RPE: variants seen among roughly 807,000 people sequenced by gnomAD.
RPE encodes ribulose-phosphate 3-epimerase.
A neutral mutation model predicts 24.6 loss-of-function variants in RPE; 16 were observed. The observed-to-expected ratio is 0.65, with a 90% confidence interval of 0.44 to 0.99. RPE has a LOEUF of 0.99. Among genes scored for constraint, RPE ranks in the 50% least tolerant of loss-of-function variants. RPE has a pLI of 0.00. For missense variants in RPE, 240 were observed against 294.5 expected, an observed-to-expected ratio of 0.81 and a Z score of 1.35; for synonymous variants, 93 against 98.4, an observed-to-expected ratio of 0.94 and a Z score of 0.33.
intron 1 of RPE, among the ~76,000 whole-genome samples, chr2:210,007,797 TAA>T (rs1322355766): frequency 6.6e-6 from 1 of 152,250 alleles, no homozygotes; most frequent in Non-Finnish European, 1.5e-5. Flanking sequence ...TCATATAGGA[TAA>T]TACCTGCTGC....
chr2:210,016,671 G>A, intron 4 of RPE, 30 bp downstream of exon 4: 2 of 1,613,792 alleles, frequency 1.2e-6, no homozygotes, highest in Non-Finnish European at 1.7e-6. Context: ...TTGGGGTGAG[G>A]CTTTTACAGT....
chr2:210,006,413 T>C (rs2093631700), intron 1 of RPE, among the ~76,000 whole-genome samples: 1 of 152,208 alleles, frequency 6.6e-6, no homozygotes, highest in Non-Finnish European at 1.5e-5. Flanking sequence ...GGTTTTTTTT[T>C]GAGACTACTG....
chr2:210,013,274 A>G (rs1316184259), intron 2 of RPE, among the ~76,000 whole-genome samples: 1 of 152,142 alleles, frequency 6.6e-6, no homozygotes, highest in African/African-American at 2.4e-5. Flanking sequence ...ATGTAAAACA[A>G]ATAATACCAC....
intron 5 of RPE, 59 bp downstream of exon 5, chr2:210,017,618 A>G: frequency 1.3e-6 from 2 of 1,497,032 alleles, no homozygotes; most frequent in East Asian, 2.3e-5. Flanking sequence ...TCTCCAGGAC[A>G]TTGTCTCATG....
At position 210,002,690 on chromosome 2, in the gene RPE, C is replaced by G. The variant is rs1411156525; in HGVS notation, c.29C>G (p.Ser10Cys). 2 of 1,614,070 alleles carry G rather than the reference C, an allele frequency of 1.2e-6. No homozygotes were observed. The highest frequency in any genetic ancestry group is 1.1e-5 in the South Asian group (1 of 91,076). MASGCKIGP[S>C]ILNSDLANLG... ...GCGTCGGGCTGCAAGATTGGCCCGT[C>G]CATCCTCAACAGCGACCTGGCCAAT... is the stretch of plus-strand genomic sequence containing the variant. The change falls in exon 1 of 6, where the codon TCC becomes TGC. Residue 10 changes from serine (S) to cysteine (C), a missense_variant. Transcript: ENST00000359429.
At chr2:210,010,592 T>C (rs1366613195) in intron 2 of RPE, among the ~76,000 whole-genome samples, 2 of 152,200 alleles carry the variant, frequency 1.3e-5, no homozygotes, top group Non-Finnish European at 2.9e-5. Flanking sequence ...TAGCTTACAA[T>C]TTAGTAGAAC....
chr2:210,003,592 A>G (rs1234801155), intron 1 of RPE: 1 of 448,796 alleles, frequency 2.2e-6, no homozygotes, highest in Non-Finnish European at 3.8e-6. Context: ...CTCCCTCAAG[A>G]TTACAGAAGA....
Position 210,021,550 on chromosome 2 carries a change from A to C in RPE, c.*1759A>C, listed in dbSNP as rs2093855782. 6.6e-6 allele frequency: 1 copy of C among 152,562 alleles called. No individual in the cohort carries two copies. Among genetic ancestry groups the C allele is most frequent in the Non-Finnish European group, 1.5e-5 (1 of 67,976 alleles). The allele number at this position is 152,562 out of a possible 1,614,324, so 9.5% of individuals were successfully genotyped here. On this transcript the variant is annotated 3_prime_UTR_variant, in exon 6 of 6. Coordinates refer to ENST00000359429, the MANE Select transcript of RPE (RefSeq NM_199229.3). ...TTTTGTTTTCTTTTTCTTTAAAAAT[A>C]AATGTACAGTAAAACTACAAGCAAA... is the stretch of plus-strand genomic sequence containing the variant.
intron 1 of RPE, among the ~76,000 whole-genome samples, chr2:210,007,389 C>G (rs2093644605): frequency 6.6e-6 from 1 of 152,148 alleles, no homozygotes; most frequent in African/African-American, 2.4e-5. Context: ...TACCAAGTGG[C>G]AATTGCAGTC....
intron 2 of RPE, among the ~76,000 whole-genome samples, chr2:210,011,830 T>A (rs1277425241): frequency 6.8e-5 from 3 of 43,880 alleles, no homozygotes; most frequent in Non-Finnish European, 8.7e-5. Context: ...CACAACCGGC[T>A]ATTTTTTTTT....
intron 2 of RPE, among the ~76,000 whole-genome samples, 198 bp downstream of exon 2, chr2:210,009,934 A>G (rs1235294408): frequency 6.6e-6 from 1 of 152,182 alleles, no homozygotes; most frequent in Non-Finnish European, 1.5e-5. Context: ...GAAAGGTAGT[A>G]GCTTGGCTGG....
chr2:210,009,875 G>GT (rs2093678354), intron 2 of RPE, 139 bp downstream of exon 2: 6 of 1,115,946 alleles, frequency 5.4e-6, no homozygotes, highest in Non-Finnish European at 5.3e-6. Context: ...CCTGACTCCA[G>GT]TAACAAGCCA....
chr2:210,007,921 TG>T (rs2093651411), intron 1 of RPE, among the ~76,000 whole-genome samples: 1 of 152,212 alleles, frequency 6.6e-6, no homozygotes. Flanking sequence ...AGGGCTTTGT[TG>T]GCAGAAGGGT....
In RPE at chr2:210,021,771, A is replaced by G. The variant is rs921934937; in HGVS notation, c.*1980A>G. 4 of 152,034 alleles carry G rather than the reference A, an allele frequency of 2.6e-5. No individual in the cohort carries two copies. Among genetic ancestry groups the G allele is most frequent in the Admixed American group, 6.6e-5 (1 of 15,254 alleles). 9.4% of individuals were successfully genotyped at this position (152,034 alleles called of 1,614,324 possible). On this transcript the variant is annotated 3_prime_UTR_variant, in exon 6 of 6. Transcript: ENST00000359429. ...TATATAAATTGTCCTCAACTTTCAC[A>G]TAGGAAAAAAATGGTTTAATAGCTT...
chr2:210,012,994 T>C (rs1404328692), intron 2 of RPE, among the ~76,000 whole-genome samples: 1 of 152,240 alleles, frequency 6.6e-6, no homozygotes, highest in Non-Finnish European at 1.5e-5. Flanking sequence ...GAAAAGCTCA[T>C]TGATAGGGTT....
chr2:210,016,058 G>C lies in RPE; in HGVS notation c.288G>C (p.Glu96Asp), dbSNP rs1432537146. 1 of 1,614,096 alleles carries C rather than the reference G, an allele frequency of 6.2e-7. No individual in the cohort carries two copies. The highest frequency in any genetic ancestry group is 1.7e-5 in the Admixed American group (1 of 60,004). ...AGANQYTFHL[E>D]ATENPGALIK... Reference sequence around the variant, plus strand: ...CCAATCAGTACACCTTTCATCTCGAGGCTACTGAGAACCCAGGGGCTTTGA... The same window carrying C: ...CCAATCAGTACACCTTTCATCTCGACGCTACTGAGAACCCAGGGGCTTTGA... The change falls in exon 3 of 6, where the codon GAG (glutamate) becomes GAC (aspartate). Residue 96 changes from glutamate (E) to aspartate (D), a missense_variant. Glu to Asp is a conservative substitution (Grantham distance 45). Transcript: ENST00000359429.
At position 210,016,004 on chromosome 2, in the gene RPE, G is replaced by C; in HGVS notation, c.234G>C (p.Gln78His). 1 of 1,614,198 alleles carries C rather than the reference G, an allele frequency of 6.2e-7. No homozygotes were observed. Among genetic ancestry groups the C allele is most frequent in the Non-Finnish European group, 8.5e-7 (1 of 1,180,044 alleles). Residue 78 changes from glutamine (Q) to histidine (H), a missense_variant, in exon 3 of 6, where the codon CAG becomes CAC. Coordinates refer to ENST00000359429, the MANE Select transcript of RPE (RefSeq NM_199229.3). The part of the protein sequence containing the change: ...DMHMMVSKPE[Q>H]WVKPMAVAGA... ...ACATGATGGTGTCCAAGCCAGAACAGTGGGTAAAGCCAATGGCTGTAGCAG... is the reference window on the plus strand; with the variant it reads ...ACATGATGGTGTCCAAGCCAGAACACTGGGTAAAGCCAATGGCTGTAGCAG...
intron 5 of RPE, 68 bp downstream of exon 5, chr2:210,017,627 T>C (rs2093792123): frequency 7.0e-7 from 1 of 1,433,690 alleles, no homozygotes; most frequent in Non-Finnish European, 9.8e-7. Context: ...CATTGTCTCA[T>C]GGGCCAGCGA....
chr2:210,019,798 A>G lies in RPE; in HGVS notation c.*7A>G. ...ACGTTCTCTTGATCGGTGAAACCAT[A>G]AGGAGCCCAGTGTTCCTGTTCATGA... On this transcript the variant is annotated 3_prime_UTR_variant, in exon 6 of 6. Transcript: ENST00000359429. 6.2e-7 allele frequency: 1 copy of G among 1,610,926 alleles called. No homozygotes were observed. The highest frequency in any genetic ancestry group is 1.1e-5 in the South Asian group (1 of 90,656).
Sources: allele counts gnomAD v4.1 joint callset (sites outside exome capture counted in the v4.1 genomes callset), GRCh38; gene constraint gnomAD v4.1.1; transcripts MANE v1.5; gene names NCBI Gene and HGNC (gene_info 2026-07-23, HGNC 2026-07-21).